Variants in SFXN4 observed in about 807,000 individuals in gnomAD.
SFXN4 encodes the protein sideroflexin 4.
In SFXN4, 48 loss-of-function variants were observed where a neutral mutation model predicts 54.6. The observed-to-expected ratio is 0.88, with a 90% CI of 0.70 to 1.12. The LOEUF (loss-of-function observed/expected upper bound fraction) is 1.12, where lower values mean the gene tolerates loss of function less well. Among genes scored for constraint, SFXN4 ranks in the 50% most tolerant of loss-of-function variants. The pLI, the probability that SFXN4 is intolerant of heterozygous loss-of-function variation, is 0.00. For missense variants in SFXN4, 383 were observed against 409.2 expected, an observed-to-expected ratio of 0.94 and a Z score of 0.55; for synonymous variants, 130 against 145.5, an observed-to-expected ratio of 0.89 and a Z score of 0.77.
chr10:119,153,375 C>T (rs1847150074), intron 11 of SFXN4, among the ~76,000 whole-genome samples: 1 of 148,450 alleles, frequency 6.7e-6, no homozygotes, highest in Non-Finnish European at 1.5e-5. Flanking sequence ...CACCATTGCA[C>T]TCCAGCGACA....
At chr10:119,162,642 C>T (rs1847602570) in intron 2 of SFXN4, among the ~76,000 whole-genome samples, 1 of 152,156 alleles carries the variant, frequency 6.6e-6, no homozygotes, top group South Asian at 2.1e-4. Context: ...CCCAATGGTG[C>T]TGTCACCTCC....
chr10:119,145,431 C>T (rs2133570766), intron 13 of SFXN4, among the ~76,000 whole-genome samples: 1 of 151,484 alleles, frequency 6.6e-6, no homozygotes, highest in South Asian at 2.1e-4. Flanking sequence ...TCTCCTGCCT[C>T]AGCCTCCCGA....
intron 3 of SFXN4, 64 bp downstream of exon 3, chr10:119,162,276 C>T (rs1847582548): frequency 3.0e-6 from 4 of 1,346,782 alleles, no homozygotes; most frequent in Non-Finnish European, 4.2e-6. Context: ...TTCCACCTGA[C>T]TTCAGACCAT....
At chr10:119,161,700 C>T (rs1217269289) in intron 3 of SFXN4, among the ~76,000 whole-genome samples, 1 of 152,226 alleles carries the variant, frequency 6.6e-6, no homozygotes, top group African/African-American at 2.4e-5. Flanking sequence ...CAACACCTAA[C>T]TTATCCCTCA....
At chr10:119,156,532 G>T in intron 10 of SFXN4, 146 bp downstream of exon 10, 1 of 672,544 alleles carries the variant, frequency 1.5e-6, no homozygotes. Context: ...GACCTGATTT[G>T]GGCTTGGGGG....
At chr10:119,158,877 G>A (rs1170738114) in intron 6 of SFXN4, among the ~76,000 whole-genome samples, 2 of 152,222 alleles carry the variant, frequency 1.3e-5, no homozygotes, top group Non-Finnish European at 2.9e-5. Context: ...CACCTACTCA[G>A]GAGGCTGAAG....
intron 3 of SFXN4, among the ~76,000 whole-genome samples, chr10:119,161,437 C>CAAAAAAAAAAAAAAAAAAAAAA (rs1554888747): frequency 4.2e-5 from 5 of 119,830 alleles, no homozygotes; most frequent in African/African-American, 3.2e-5. Context: ...CAAAAAAAAA[C>CAAAAAAAAAAAAAAAAAAAAAA]AAAAAAAAAA....
rs922351302 is a variant in SFXN4 at position 119,155,512 on chromosome 10, G to A, written c.617-335C>T. On this transcript the variant is annotated intron_variant, in intron 10 of 13. Transcript: ENST00000355697. ...GTCTTTGCTTAAGTTTTTTTTTTCA[G>A]ACAGAGTTTCACTCTTGTTGCCCAG... Among the ~76,000 whole-genome samples, 6 of 151,608 alleles carry A rather than the reference G, an allele frequency of 4.0e-5. 1 individual carries two copies. The highest frequency in any genetic ancestry group is 7.4e-5 in the Non-Finnish European group (5 of 67,922).
chr10:119,149,488 G>A (rs1423670770), intron 11 of SFXN4, among the ~76,000 whole-genome samples: 1 of 152,184 alleles, frequency 6.6e-6, no homozygotes, highest in African/African-American at 2.4e-5. Flanking sequence ...GGTGGCTCAT[G>A]CTTATAATCC....
Position 119,165,678 on chromosome 10 carries a change from AG to A in SFXN4, c.-32del, listed in dbSNP as rs1471484739. 6.6e-7 allele frequency: 1 copy of A among 1,509,424 alleles called. No individual in the cohort carries two copies. Among genetic ancestry groups the A allele is most frequent in the Admixed American group, 2.1e-5 (1 of 47,780 alleles). The allele number at this position is 1,509,424 out of a possible 1,614,324, so 93.5% of individuals were successfully genotyped here. On this transcript the variant is annotated 5_prime_UTR_variant, in exon 1 of 14. Transcript: ENST00000355697. ...GCTGGTTAGAGTGGCCGCCGCCGCC[AG>A]GCCGCGCGTGGAGGAGGAGCCGGGC...
chr10:119,152,064 C>T (rs1009046534), intron 11 of SFXN4, among the ~76,000 whole-genome samples: 5 of 151,994 alleles, frequency 3.3e-5, no homozygotes, highest in Non-Finnish European at 5.9e-5. Context: ...AGCGATCTAC[C>T]TCCCAAAGTG....
chr10:119,144,847 G>A (rs962058928), intron 13 of SFXN4, among the ~76,000 whole-genome samples: 5 of 152,248 alleles, frequency 3.3e-5, no homozygotes, highest in African/African-American at 7.2e-5. Context: ...GAAGTGCTCA[G>A]TAGCACACGT....
intron 6 of SFXN4, 141 bp downstream of exon 6, chr10:119,159,587 T>G: frequency 2.3e-6 from 2 of 873,292 alleles, no homozygotes; most frequent in Non-Finnish European, 3.8e-6. Flanking sequence ...CAGCCATGGG[T>G]TATCAGTGGG....
At chr10:119,157,584 G>T in intron 9 of SFXN4, 84 bp downstream of exon 9, 2 of 1,103,358 alleles carry the variant, frequency 1.8e-6, no homozygotes, top group Non-Finnish European at 2.6e-6. Context: ...GTTTAAATTG[G>T]AACATAAATT....
intron 13 of SFXN4, among the ~76,000 whole-genome samples, chr10:119,142,726 A>AT (rs573311460): frequency 0.14 from 10,746 of 77,332 alleles, 1,048 homozygotes; most frequent in East Asian, 0.27. Context: ...AATGTTTTGA[A>AT]TTTTTTTTTT....
Position 119,146,352 on chromosome 10 carries a change from T to A in SFXN4, c.820A>T (p.Thr274Ser), listed in dbSNP as rs1846795540. ...CCTGGGTTTTTCCTGAAATACTGGG[T>A]CCTGTAAGAGACAAGGCATGGCTCA... ...PEVFTYFFKR[T>S]QYFRKNPGSL... The change falls in exon 13 of 14, where the codon ACC becomes TCC. Residue 274 changes from threonine (T) to serine (S), a missense_variant and splice_region_variant. Coordinates refer to ENST00000355697, the MANE Select transcript of SFXN4 (RefSeq NM_213649.2). The A allele has an allele frequency of 1.9e-6, 3 of 1,590,474 alleles. No homozygotes were observed. The highest frequency in any genetic ancestry group is 2.7e-5 in the African/African-American group (2 of 74,354).
chr10:119,155,869 T>C (rs1847261068), intron 10 of SFXN4, among the ~76,000 whole-genome samples: 1 of 152,196 alleles, frequency 6.6e-6, no homozygotes, highest in African/African-American at 2.4e-5. Context: ...CAAACTGCTA[T>C]GATTCCCAAA....
chr10:119,145,281 T>C (rs1387381911), intron 13 of SFXN4, among the ~76,000 whole-genome samples: 1 of 140,982 alleles, frequency 7.1e-6, no homozygotes, highest in Non-Finnish European at 1.5e-5. Context: ...CACCTTCACT[T>C]AATAAACAGT....
At chr10:119,162,500 C>A (rs2133630103) in intron 2 of SFXN4, 86 bp from the exon 3 acceptor site, 1 of 1,113,670 alleles carries the variant, frequency 9.0e-7, no homozygotes, top group South Asian at 1.3e-5. Context: ...GCTCACTCAC[C>A]AGCATGCACT....
Sources: allele counts gnomAD v4.1 joint callset (sites outside exome capture counted in the v4.1 genomes callset), GRCh38; gene constraint gnomAD v4.1.1; transcripts MANE v1.5; gene names NCBI Gene and HGNC (gene_info 2026-07-23, HGNC 2026-07-21).